The following DENND2B variants were observed in gnomAD, a reference collection of about 807,000 sequenced individuals.
The protein encoded by DENND2B is DENN domain containing 2B.
In DENND2B, 32 loss-of-function variants were observed where a neutral mutation model predicts 116.0. The ratio of observed to expected loss-of-function variants is 0.28; its 90% CI spans 0.21 to 0.37. The LOEUF is 0.37. DENND2B is among the 10% of genes least tolerant of loss of function. The pLI is 1.00. For missense variants in DENND2B, 1,276 were observed against 1,477.7 expected, an observed-to-expected ratio of 0.86 and a Z score of 2.24; for synonymous variants, 588 against 583.9, an observed-to-expected ratio of 1.01 and a Z score of -0.10.
intron 13 of DENND2B, among the ~76,000 whole-genome samples, chr11:8,705,313 TC>T (rs752329279): frequency 1.8e-4 from 28 of 152,000 alleles, no homozygotes; most frequent in Non-Finnish European, 3.7e-4. Context: ...TGTTTCCACT[TC>T]CTCACACCCA....
At chr11:8,770,614 G>A (rs965934043) in intron 1 of DENND2B, among the ~76,000 whole-genome samples, 4 of 152,006 alleles carry the variant, frequency 2.6e-5, no homozygotes, top group African/African-American at 9.7e-5. Context: ...ATCTCACCTT[G>A]AGTGAGTCCA....
intron 5 of DENND2B, among the ~76,000 whole-genome samples, chr11:8,716,132 CTA>C (rs2133828617): frequency 6.6e-6 from 1 of 152,298 alleles, no homozygotes; most frequent in Non-Finnish European, 1.5e-5. Context: ...TCCTCCTGAG[CTA>C]TGGGACAAGA....
chr11:8,839,900 G>A (rs1377423983), intron 3 of DENND2B, among the ~76,000 whole-genome samples: 1 of 152,174 alleles, frequency 6.6e-6, no homozygotes, highest in Non-Finnish European at 1.5e-5. Context: ...CCCAGGGGAA[G>A]GGAATTTCAG....
chr11:8,739,096 A>G (rs1266793563), intron 2 of DENND2B, among the ~76,000 whole-genome samples: 5 of 152,212 alleles, frequency 3.3e-5, no homozygotes, highest in East Asian at 1.9e-4. Context: ...AGGAATTATT[A>G]TTTGTGTTGA....
intron 1 of DENND2B, among the ~76,000 whole-genome samples, chr11:8,793,908 TA>T (rs1011620171): frequency 4.9e-4 from 74 of 152,180 alleles, no homozygotes; most frequent in African/African-American, 1.7e-3. Context: ...ACTTTTCGTG[TA>T]AAACTAAATG....
chr11:8,694,060 C>T lies in DENND2B; in HGVS notation c.*36G>A, dbSNP rs745547949. On this transcript the variant is annotated 3_prime_UTR_variant, in exon 20 of 20. Transcript: ENST00000313726. ...GGGCCTTCTCCCCAGGCTTCAGGCT[C>T]TGCAAGGCACTGGACTCTGCTACTG... 5 of 1,613,404 alleles carry T rather than the reference C, an allele frequency of 3.1e-6. No individual in the cohort carries two copies. The highest frequency in any genetic ancestry group is 1.3e-5 in the African/African-American group (1 of 74,914).
chr11:8,889,816 G>T (rs957916864), intron 1 of DENND2B, among the ~76,000 whole-genome samples: 1 of 152,222 alleles, frequency 6.6e-6, no homozygotes, highest in African/African-American at 2.4e-5. Flanking sequence ...ACCTCTGGGG[G>T]CAAGGCATAG....
At chr11:8,751,936 C>T (rs2052583739) in intron 1 of DENND2B, among the ~76,000 whole-genome samples, 1 of 152,154 alleles carries the variant, frequency 6.6e-6, no homozygotes, top group Non-Finnish European at 1.5e-5. Flanking sequence ...AAAGTCACCT[C>T]ATTCTAAACA....
intron 7 of DENND2B, among the ~76,000 whole-genome samples, 162 bp from the exon 8 acceptor site, chr11:8,714,204 G>A (rs1352993356): frequency 6.6e-6 from 1 of 152,208 alleles, no homozygotes; most frequent in Non-Finnish European, 1.5e-5. Flanking sequence ...GAGTGGCCTG[G>A]GGCCAGGCTC....
intron 1 of DENND2B, among the ~76,000 whole-genome samples, chr11:8,884,316 G>GT (rs1343247269): frequency 7.9e-4 from 119 of 149,842 alleles, no homozygotes; most frequent in African/African-American, 2.3e-3. Context: ...GACTTCCTTT[G>GT]TTTTTTTGTT....
chr11:8,706,107 TG>T (rs1196915469), intron 13 of DENND2B, among the ~76,000 whole-genome samples: 4 of 152,160 alleles, frequency 2.6e-5, no homozygotes, highest in African/African-American at 9.6e-5. Context: ...CAGCTGGGTT[TG>T]GTGGTGCACG....
chr11:8,763,205 C>CA (rs1199841035), intron 1 of DENND2B, among the ~76,000 whole-genome samples: 1 of 152,126 alleles, frequency 6.6e-6, no homozygotes, highest in Non-Finnish European at 1.5e-5. Context: ...TTAACATACC[C>CA]ACTGGAATGG....
At chr11:8,788,753 G>A (rs986889435) in intron 1 of DENND2B, among the ~76,000 whole-genome samples, 16 of 152,186 alleles carry the variant, frequency 1.1e-4, no homozygotes, top group Admixed American at 2.6e-4. Context: ...TGAACCTGGC[G>A]TACCCATCTC....
intron 3 of DENND2B, among the ~76,000 whole-genome samples, chr11:8,840,928 T>C (rs558153830): frequency 6.8e-4 from 104 of 152,338 alleles, no homozygotes; most frequent in African/African-American, 2.4e-3. Context: ...TTGTTGATAC[T>C]GTTTTCATCA....
intron 3 of DENND2B, among the ~76,000 whole-genome samples, chr11:8,842,108 C>T (rs555253466): frequency 6.6e-6 from 1 of 152,164 alleles, no homozygotes; most frequent in African/African-American, 2.4e-5. Context: ...TGAGACAATC[C>T]GTTCACGAAA....
At chr11:8,813,597 CA>C (rs1341037151), upstream of DENND2B, among the ~76,000 whole-genome samples, 3 of 152,162 alleles carry the variant, frequency 2.0e-5, no homozygotes, top group Non-Finnish European at 4.4e-5. Context: ...ACAGTAGTAA[CA>C]TCAGTTAACA....
chr11:8,695,383 T>G, intron 19 of DENND2B, 80 bp downstream of exon 19: 1 of 1,311,260 alleles, frequency 7.6e-7, no homozygotes, highest in Non-Finnish European at 1.1e-6. Context: ...TGACATTGAT[T>G]TAGAGTATTC....
chr11:8,748,786 G>A (rs1309531132), intron 2 of DENND2B, among the ~76,000 whole-genome samples: 3 of 152,104 alleles, frequency 2.0e-5, no homozygotes, highest in Non-Finnish European at 2.9e-5. Context: ...TAAAGGAAGA[G>A]CAATTTCTGA....
At chr11:8,795,415 C>T (rs1318437410) in intron 1 of DENND2B, among the ~76,000 whole-genome samples, 1 of 152,148 alleles carries the variant, frequency 6.6e-6, no homozygotes, top group Non-Finnish European at 1.5e-5. Context: ...ACAGTAGCAG[C>T]ATCACTTCCA....
Sources: gnomAD v4.1 joint callset for allele counts (sites outside exome capture counted in the v4.1 genomes callset) on GRCh38, gnomAD v4.1.1 for gene constraint, MANE v1.5 for transcripts, NCBI Gene and HGNC (gene_info 2026-07-23, HGNC 2026-07-21) for gene names.